SLC24A2: variants seen among roughly 807,000 people sequenced by gnomAD.
SLC24A2 encodes solute carrier family 24 member 2, also known as sodium/potassium/calcium exchanger 2.
SLC24A2 carries 36 observed loss-of-function variants against 62.0 expected under a neutral mutation model. The observed-to-expected ratio is 0.58, with a 90% CI of 0.44 to 0.77. The LOEUF is 0.77. Ranked by LOEUF, SLC24A2 falls within the 30% of genes least tolerant of loss-of-function variation. SLC24A2 has a pLI of 0.00. For synonymous variants in SLC24A2, 358 were observed against 294.0 expected (o/e 1.22, Z -2.23); for missense variants, 846 against 817.9 (o/e 1.03, Z -0.42).
At chr9:20,292,255 G>A in the SLC24A2 span, among the ~76,000 whole-genome samples, 1 of 152,286 alleles carries the variant, frequency 6.6e-6, no homozygotes, top group Admixed American at 6.5e-5. Context: ...TAACAGAAAT[G>A]AAGTCATCAG....
At chr9:19,942,538 AT>A in the SLC24A2 span, among the ~76,000 whole-genome samples, 1 of 152,210 alleles carries the variant, frequency 6.6e-6, no homozygotes, top group Admixed American at 6.5e-5. Context: ...CTGCAGAAGA[AT>A]ATGGGAATTT....
chr9:19,873,836 G>A, the SLC24A2 span, among the ~76,000 whole-genome samples: 18 of 152,112 alleles, frequency 1.2e-4, no homozygotes, highest in East Asian at 2.7e-3. Context: ...TGTACTTGCC[G>A]AATGCCCCAA....
At chr9:19,999,552 T>A in the SLC24A2 span, among the ~76,000 whole-genome samples, 3 of 152,200 alleles carry the variant, frequency 2.0e-5, no homozygotes, top group African/African-American at 7.2e-5. Context: ...AAACTCTATA[T>A]TTCATCCTCA....
chr9:19,586,592 C>CT (rs1395432972), intron 5 of SLC24A2, among the ~76,000 whole-genome samples: 1 of 151,988 alleles, frequency 6.6e-6, no homozygotes, highest in Admixed American at 6.6e-5. Flanking sequence ...TACCCCCTCC[C>CT]TTTTTTTATA....
At chr9:19,603,116 A>T (rs1241733013) in intron 4 of SLC24A2, among the ~76,000 whole-genome samples, 2 of 151,982 alleles carry the variant, frequency 1.3e-5, no homozygotes, top group East Asian at 3.9e-4. Flanking sequence ...AATTTCAGAA[A>T]ATCTGTTTGA....
At chr9:20,107,467 A>G in the SLC24A2 span, among the ~76,000 whole-genome samples, 1 of 152,188 alleles carries the variant, frequency 6.6e-6, no homozygotes, top group Non-Finnish European at 1.5e-5. Context: ...ACAGTCACCA[A>G]AACAGCATGG....
At chr9:19,629,685 G>T (rs1818127153) in intron 2 of SLC24A2, among the ~76,000 whole-genome samples, 1 of 152,176 alleles carries the variant, frequency 6.6e-6, no homozygotes, top group Non-Finnish European at 1.5e-5. Context: ...CCCCCTGGTG[G>T]TCCCAGTTAT....
At chr9:20,080,425 TG>T in the SLC24A2 span, among the ~76,000 whole-genome samples, 1 of 152,234 alleles carries the variant, frequency 6.6e-6, no homozygotes, top group African/African-American at 2.4e-5. Context: ...GCTAGCCATA[TG>T]TAGAAAGCTG....
Position 19,767,023 on chromosome 9 carries a change from C to T in SLC24A2, c.930+18914G>A, listed in dbSNP as rs1254039784. Among the ~76,000 whole-genome samples, 3 of 152,182 alleles carry T rather than the reference C, an allele frequency of 2.0e-5. No individual in the cohort carries two copies. In the East Asian group the frequency reaches 5.8e-4, roughly 29 times the overall value. On this transcript the variant is annotated intron_variant, in intron 2 of 10. Coordinates refer to ENST00000341998, the MANE Select transcript of SLC24A2 (RefSeq NM_020344.4). ...GGAGTAATATAGAGAGGCAGTCTGG[C>T]TACAGTGACTTTGCAGTGCTGTGGT... is the stretch of plus-strand genomic sequence containing the variant.
At chr9:19,937,338 G>T in the SLC24A2 span, among the ~76,000 whole-genome samples, 1 of 152,204 alleles carries the variant, frequency 6.6e-6, no homozygotes, top group Non-Finnish European at 1.5e-5. Flanking sequence ...TCTTTGAAAT[G>T]TACAGAATAA....
intron 2 of SLC24A2, among the ~76,000 whole-genome samples, chr9:19,701,597 C>A (rs539572188): frequency 6.6e-6 from 1 of 152,192 alleles, no homozygotes; most frequent in Non-Finnish European, 1.5e-5. Flanking sequence ...ATAGACCTTA[C>A]TGGGCTAAAA....
rs887174984 is a variant in SLC24A2 at position 19,508,565 on chromosome 9, G to A, written c.*7588C>T. The A allele has an allele frequency of 6.6e-6, 1 of 152,170 alleles. No individual in the cohort carries two copies. The highest frequency in any genetic ancestry group is 1.5e-5 in the Non-Finnish European group (1 of 68,062). The allele number at this position is 152,170 out of a possible 1,614,324, so 9.4% of individuals were successfully genotyped here. The stretch of plus-strand genomic sequence containing the variant: ...CCCAGCACTTTGGGAGGCCAAAGCA[G>A]GAGGATCTCTTGAGCCCAGGAGTTT... On this transcript the variant is annotated 3_prime_UTR_variant, in exon 11 of 11. Transcript: ENST00000341998.
chr9:20,137,153 A>G, the SLC24A2 span, among the ~76,000 whole-genome samples: 1 of 152,002 alleles, frequency 6.6e-6, no homozygotes, highest in Admixed American at 6.6e-5. Context: ...TGTGTTGAAA[A>G]CCCTGTTCAT....
Position 19,546,061 on chromosome 9 carries a change from T to C in SLC24A2, c.1479+4076A>G, listed in dbSNP as rs149568093. On this transcript the variant is annotated intron_variant, in intron 8 of 10. Coordinates refer to ENST00000341998, the MANE Select transcript of SLC24A2 (RefSeq NM_020344.4). ...CAGAACAGCAAAGACTGCTGCGTGT[T>C]GTTTCCTCTGGAACCTTTGTCTCAT... 1.1e-3 allele frequency among the ~76,000 whole-genome samples: 162 copies of C among 152,340 alleles called. 1 individual carries two copies. Among genetic ancestry groups the C allele is most frequent in the African/African-American group, 3.7e-3 (154 of 41,578 alleles).
the SLC24A2 span, among the ~76,000 whole-genome samples, chr9:20,227,209 C>T: frequency 0.96 from 146,481 of 152,240 alleles, 70,691 homozygotes; most frequent in South Asian, 1. Flanking sequence ...AATATGAATA[C>T]GATATGTTGA....
intron 4 of SLC24A2, among the ~76,000 whole-genome samples, chr9:19,616,455 TG>T (rs1443810028): frequency 6.6e-6 from 1 of 152,236 alleles, no homozygotes; most frequent in East Asian, 1.9e-4. Context: ...ACCCAGAGTC[TG>T]GTTCGGGAGT....
At chr9:19,684,775 A>C (rs1395501766) in intron 2 of SLC24A2, among the ~76,000 whole-genome samples, 2 of 151,914 alleles carry the variant, frequency 1.3e-5, no homozygotes, top group Non-Finnish European at 2.9e-5. Context: ...GGGTTAACAA[A>C]TTCACTATGT....
At chr9:19,882,896 CTT>C in the SLC24A2 span, among the ~76,000 whole-genome samples, 4 of 152,128 alleles carry the variant, frequency 2.6e-5, no homozygotes, top group Non-Finnish European at 4.4e-5. Context: ...TGCAGGATTC[CTT>C]TTAGAGCTCT....
the SLC24A2 span, among the ~76,000 whole-genome samples, chr9:19,990,994 A>G: frequency 7.0e-6 from 1 of 142,566 alleles, no homozygotes; most frequent in East Asian, 2.0e-4. Context: ...TGTATTATAT[A>G]TGTGTGTATA....
Sources: allele counts gnomAD v4.1 joint callset (sites outside exome capture counted in the v4.1 genomes callset), GRCh38; gene constraint gnomAD v4.1.1; transcripts MANE v1.5; gene names NCBI Gene and HGNC (gene_info 2026-07-23, HGNC 2026-07-21).